TRPS1: variants seen among roughly 807,000 people sequenced by gnomAD.
TRPS1 encodes zinc finger transcription factor Trps1.
A neutral mutation model predicts 101.2 loss-of-function variants in TRPS1; 6 were observed. That is an observed-to-expected ratio of 0.06 (90% CI 0.03 to 0.12). The LOEUF is 0.12. Ranked by LOEUF, TRPS1 falls within the 10% of genes least tolerant of loss-of-function variation. The probability of loss-of-function intolerance (pLI) is 1.00; values close to 1 mark genes in which losing one functional copy is unlikely to be tolerated. For missense variants in TRPS1, 1,363 were observed against 1,567.0 expected (o/e 0.87, Z 2.20); for synonymous variants, 578 against 589.8 (o/e 0.98, Z 0.29).
intron 1 of TRPS1, among the ~76,000 whole-genome samples, chr8:115,662,401 G>C (rs941701532): frequency 2.6e-5 from 4 of 151,852 alleles, no homozygotes; most frequent in Non-Finnish European, 5.9e-5. Context: ...ACAAGTAACC[G>C]TAAGATTTAA....
At chr8:115,479,761 T>C (rs1388874835) in intron 5 of TRPS1, among the ~76,000 whole-genome samples, 2 of 152,084 alleles carry the variant, frequency 1.3e-5, no homozygotes, top group Admixed American at 6.5e-5. Flanking sequence ...CAGAAAGCAA[T>C]AATGTGTAAA....
At chr8:115,443,982 G>A (rs1213675522) in intron 5 of TRPS1, among the ~76,000 whole-genome samples, 1 of 152,126 alleles carries the variant, frequency 6.6e-6, no homozygotes, top group Non-Finnish European at 1.5e-5. Context: ...CTAAAATGAA[G>A]ATCTCACCTC....
chr8:115,625,735 T>C (rs1818490859), intron 1 of TRPS1, among the ~76,000 whole-genome samples: 1 of 151,930 alleles, frequency 6.6e-6, no homozygotes, highest in Non-Finnish European at 1.5e-5. Flanking sequence ...CATAAACAAA[T>C]ATGTGTGTGC....
intron 1 of TRPS1, among the ~76,000 whole-genome samples, chr8:115,662,119 A>T (rs1320281897): frequency 6.6e-6 from 1 of 152,076 alleles, no homozygotes; most frequent in Admixed American, 6.6e-5. Flanking sequence ...CAAAAAAGGA[A>T]TGCCTACGAT....
chr8:115,632,717 C>T (rs1818674110), intron 1 of TRPS1, among the ~76,000 whole-genome samples: 1 of 152,074 alleles, frequency 6.6e-6, no homozygotes, highest in Non-Finnish European at 1.5e-5. Flanking sequence ...TGTGTCATGG[C>T]AGACACAAAC....
At chr8:115,618,224 A>T (rs1017125362) in intron 3 of TRPS1, among the ~76,000 whole-genome samples, 3 of 152,202 alleles carry the variant, frequency 2.0e-5, no homozygotes, top group African/African-American at 7.2e-5. Context: ...CCCTGGCCTT[A>T]TAATACAATA....
chr8:115,616,080 C>T (rs1818271371), intron 3 of TRPS1, among the ~76,000 whole-genome samples: 1 of 152,042 alleles, frequency 6.6e-6, no homozygotes, highest in Non-Finnish European at 1.5e-5. Context: ...ACTGGGCATG[C>T]TACCTCAAGG....
intron 5 of TRPS1, among the ~76,000 whole-genome samples, chr8:115,470,541 T>A (rs1441363770): frequency 6.6e-6 from 1 of 152,186 alleles, no homozygotes; most frequent in Non-Finnish European, 1.5e-5. Context: ...AATCAGACAT[T>A]AGTTTGGTTT....
At chr8:115,423,860 CTTATT>C (rs1053910170) in intron 5 of TRPS1, among the ~76,000 whole-genome samples, 9 of 151,796 alleles carry the variant, frequency 5.9e-5, no homozygotes, top group Non-Finnish European at 1.0e-4. Context: ...GTTTTTATTC[CTTATT>C]TTATTTTATT....
At chr8:115,532,244 ATT>A (rs35571991) in intron 5 of TRPS1, among the ~76,000 whole-genome samples, 191 of 149,324 alleles carry the variant, frequency 1.3e-3, no homozygotes, top group Middle Eastern at 3.5e-3. Context: ...ATCAGAGCGC[ATT>A]TTTTTTTTTT....
chr8:115,567,398 G>A (rs541203582), intron 5 of TRPS1, among the ~76,000 whole-genome samples: 3 of 152,074 alleles, frequency 2.0e-5, no homozygotes, highest in African/African-American at 4.8e-5. Flanking sequence ...TAGAAAGGGG[G>A]GTGGGGAAAT....
At chr8:115,530,694 T>C (rs1168901572) in intron 5 of TRPS1, among the ~76,000 whole-genome samples, 1 of 152,146 alleles carries the variant, frequency 6.6e-6, no homozygotes, top group Non-Finnish European at 1.5e-5. Flanking sequence ...TGCCCATCAA[T>C]GACAGACTGG....
intron 5 of TRPS1, among the ~76,000 whole-genome samples, chr8:115,569,012 G>A (rs1817138051): frequency 6.6e-6 from 1 of 152,024 alleles, no homozygotes; most frequent in Non-Finnish European, 1.5e-5. Flanking sequence ...GCCTTTAAGT[G>A]AAAAAAGTAA....
Position 115,628,145 on chromosome 8 carries a change from C to T in TRPS1, c.-121-4387G>A, listed in dbSNP as rs111340457. ...TGTGCCTTCATATGCAATAGTTCTTCCTCATGAAACTAGGAAACAACTCAC... is the reference window on the plus strand; with the variant it reads ...TGTGCCTTCATATGCAATAGTTCTTTCTCATGAAACTAGGAAACAACTCAC... On this transcript the variant is annotated intron_variant, in intron 1 of 6. Transcript: ENST00000395715. 4.4e-3 allele frequency among the ~76,000 whole-genome samples: 664 copies of T among 151,824 alleles called. 7 individuals are homozygous for T. The highest frequency in any genetic ancestry group is 0.015 in the African/African-American group (616 of 41,490).
chr8:115,419,174 T>C (rs888597467), intron 5 of TRPS1, among the ~76,000 whole-genome samples: 3 of 152,174 alleles, frequency 2.0e-5, no homozygotes, highest in Non-Finnish European at 4.4e-5. Context: ...GGTTTCCAAA[T>C]ACAAATTGAT....
At chr8:115,529,914 G>A (rs1029673547) in intron 5 of TRPS1, among the ~76,000 whole-genome samples, 2 of 152,052 alleles carry the variant, frequency 1.3e-5, no homozygotes, top group African/African-American at 4.8e-5. Flanking sequence ...AAATATAAAG[G>A]TGCTTTGTGT....
chr8:115,533,436 G>GTTTTTTGTTTTT lies in TRPS1; in HGVS notation c.2700+53564_2700+53565insAAAAACAAAAAA, dbSNP rs1816188062. On this transcript the variant is annotated intron_variant, in intron 5 of 6. Coordinates refer to ENST00000395715, the MANE Select transcript of TRPS1 (RefSeq NM_014112.5). ...GGGGCCCGCTTCCCACATGTAATCT[G>GTTTTTTGTTTTT]TTTTTTTTTTTTTTTTTTTTTTTCC... 2.8e-3 allele frequency among the ~76,000 whole-genome samples: 99 copies of GTTTTTTGTTTTT among 34,990 alleles called. 4 individuals carry two copies. The highest frequency in any genetic ancestry group is 9.9e-3 in the African/African-American group (95 of 9,614). 23.0% of individuals were successfully genotyped at this position (34,990 alleles called of 152,430 possible). A position where few individuals can be genotyped will look rare whatever the true frequency, so the allele number is the denominator to read the frequency against.
intron 5 of TRPS1, among the ~76,000 whole-genome samples, chr8:115,455,261 T>C (rs375578203): frequency 6.6e-6 from 1 of 152,268 alleles, no homozygotes; most frequent in African/African-American, 2.4e-5. Context: ...ATGAGATGTG[T>C]ACCTCCGTAA....
At chr8:115,524,987 T>C (rs1431414555) in intron 5 of TRPS1, among the ~76,000 whole-genome samples, 1 of 152,160 alleles carries the variant, frequency 6.6e-6, no homozygotes, top group Admixed American at 6.6e-5. Flanking sequence ...TTCAAACAAC[T>C]GTGTCCTTTA....
Sources: allele counts gnomAD v4.1 joint callset (sites outside exome capture counted in the v4.1 genomes callset), GRCh38; gene constraint gnomAD v4.1.1; transcripts MANE v1.5; gene names NCBI Gene and HGNC (gene_info 2026-07-23, HGNC 2026-07-21).